The following LRRN1 variants were observed in gnomAD, a reference collection of about 807,000 sequenced individuals.
LRRN1 encodes the protein leucine rich repeat neuronal 1, also known as leucine-rich repeat neuronal protein 1.
Under a neutral mutation model 45.8 loss-of-function variants are expected in LRRN1, and 14 were observed. The observed-to-expected ratio is 0.31, with a 90% CI of 0.20 to 0.48. The LOEUF is 0.48. LRRN1 is among the 20% of genes least tolerant of loss of function. The pLI is 0.99. For missense variants in LRRN1, 789 were observed against 874.2 expected, an observed-to-expected ratio of 0.90 and a Z score of 1.23; for synonymous variants, 359 against 330.1, an observed-to-expected ratio of 1.09 and a Z score of -0.95.
chr3:3,810,293 C>G (rs567632906), intron 1 of LRRN1, among the ~76,000 whole-genome samples: 6 of 152,186 alleles, frequency 3.9e-5, no homozygotes, highest in African/African-American at 1.4e-4. Context: ...GACATTGTAG[C>G]AAACAAACCC....
At chr3:3,833,632 CAG>C (rs554078624) in intron 1 of LRRN1, among the ~76,000 whole-genome samples, 13 of 152,276 alleles carry the variant, frequency 8.5e-5, no homozygotes, top group South Asian at 4.1e-4. Context: ...TAGAAGCAAA[CAG>C]GGGTATTAGG....
rs1273778260 is a variant in LRRN1, at chr3:3,845,410, C to A, written c.769C>A (p.Leu257Ile). ...YDNKLVKVPQ[L>I]ALQKVPNLKF... is the part of the protein sequence containing the mutation. ...TAACAAACTGGTTAAAGTCCCTCAA[C>A]TTGCCCTGCAAAAAGTTCCAAATTT... The change falls in exon 2 of 2, where the codon CTT becomes ATT. Residue 257 changes from leucine to isoleucine, a missense_variant. Leu to Ile is a conservative substitution (Grantham distance 5). Transcript: ENST00000319331. The surrounding 1 kb of genome is among the most constrained non-coding windows in gnomAD (Gnocchi z 6.5). 6 of 1,614,140 alleles carry A rather than the reference C, an allele frequency of 3.7e-6. No homozygotes were observed. Among genetic ancestry groups the A allele is most frequent in the Non-Finnish European group, 5.1e-6 (6 of 1,180,014 alleles).
chr3:3,802,506 G>A (rs947484941), intron 1 of LRRN1, among the ~76,000 whole-genome samples: 1 of 152,200 alleles, frequency 6.6e-6, no homozygotes. Context: ...GGAGGGCTCA[G>A]TGTTTCGGGG....
intron 1 of LRRN1, among the ~76,000 whole-genome samples, chr3:3,841,290 C>CAAAAAAA (rs60477471): frequency 1.6e-5 from 2 of 123,214 alleles, no homozygotes; most frequent in African/African-American, 6.3e-5. Flanking sequence ...GACTTTGTCT[C>CAAAAAAA]AAAAAAAAAA....
At position 3,844,565 on chromosome 3, in the gene LRRN1, C is replaced by G; in HGVS notation, c.-77C>G. 9.1e-7 allele frequency: 1 copy of G among 1,095,736 alleles called. No homozygotes were observed. The highest frequency in any genetic ancestry group is 1.3e-6 in the Non-Finnish European group (1 of 754,934). The allele number at this position is 1,095,736 out of a possible 1,614,324, so 67.9% of individuals were successfully genotyped here. ...ATGTTTACATTTTCTGCTCGCTGTCCTACATATCACAATATAGTGTTCACG... is the reference window on the plus strand; with the variant it reads ...ATGTTTACATTTTCTGCTCGCTGTCGTACATATCACAATATAGTGTTCACG... On this transcript the variant is annotated 5_prime_UTR_variant, in exon 2 of 2. Transcript: ENST00000319331.
intron 1 of LRRN1, among the ~76,000 whole-genome samples, chr3:3,818,762 C>T (rs1693038572): frequency 6.6e-6 from 1 of 152,074 alleles, no homozygotes; most frequent in South Asian, 2.1e-4. Context: ...TTATAAAGAT[C>T]ATAGAGCTTA....
intron 1 of LRRN1, among the ~76,000 whole-genome samples, chr3:3,807,532 C>T (rs541807900): frequency 2.0e-5 from 3 of 152,262 alleles, no homozygotes; most frequent in African/African-American, 7.2e-5. Flanking sequence ...AAGACTTGCA[C>T]GTCAGAACGA....
In LRRN1 at chr3:3,846,271, A is replaced by C. The variant is rs187957779; in HGVS notation, c.1630A>C (p.Lys544Gln). The C allele has an allele frequency of 7.4e-6, 12 of 1,614,094 alleles. No individual in the cohort carries two copies. In the African/African-American group the frequency reaches 1.1e-4, roughly 14 times the overall value. The change falls in exon 2 of 2, where the codon AAA (lysine) becomes CAA (glutamine). Residue 544 changes from lysine to glutamine, a missense_variant. Transcript: ENST00000319331. The surrounding 1 kb of genome is among the most constrained non-coding windows in gnomAD (Gnocchi z 5.7). ...ATCCCATTCCATCTTAGTGTCCTGG[A>C]AAGTTAATTCCAATGTCATGACGTC... is the stretch of plus-strand genomic sequence containing the variant. ...TESHSILVSW[K>Q]VNSNVMTSNL...
At position 3,844,835 on chromosome 3, in the gene LRRN1, G is replaced by A. The variant is rs1174498644; in HGVS notation, c.194G>A (p.Arg65Lys). Residue 65 changes from arginine (R) to lysine (K), a missense_variant, in exon 2 of 2, where the codon AGG becomes AAG. Coordinates refer to ENST00000319331, the MANE Select transcript of LRRN1 (RefSeq NM_020873.7). Reference protein sequence around the residue: ...TVDCNDLRLTRIPSNLSSDTQ... With the variant: ...TVDCNDLRLTKIPSNLSSDTQ... ...GATTGCAATGACCTCCGCTTAACAA[G>A]GATTCCCAGTAACCTCTCTAGTGAC... 8 of 1,614,176 alleles carry A rather than the reference G, an allele frequency of 5.0e-6. No individual in the cohort carries two copies. In the East Asian group the frequency reaches 1.8e-4, roughly 36 times the overall value.
In LRRN1 at chr3:3,846,504, G is replaced by A. The variant is rs201559996; in HGVS notation, c.1863G>A (p.Val621=). 19 of 1,614,114 alleles carry A rather than the reference G, an allele frequency of 1.2e-5. No individual in the cohort carries two copies. In the East Asian group the frequency reaches 3.3e-4, roughly 28 times the overall value. Residue 621 remains valine (V), a synonymous_variant, in exon 2 of 2, where the codon GTG becomes GTA. Transcript: ENST00000319331. This position sits in a 1 kb window ranked among gnomAD's most constrained non-coding sequence, Gnocchi z 5.7. ...NVTTKNAAFA[V]DISDQETSTA... is the part of the protein sequence containing the mutation. ...CAACCAAAAATGCCGCCTTCGCAGT[G>A]GACATCTCTGATCAAGAAACCAGTA...
rs1692988943 is a variant in LRRN1 at position 3,816,497 on chromosome 3, A to C, written c.-279+16578A>C. On this transcript the variant is annotated intron_variant, in intron 1 of 1. Coordinates refer to ENST00000319331, the MANE Select transcript of LRRN1 (RefSeq NM_020873.7). The surrounding 1 kb of genome is among the most constrained non-coding windows in gnomAD (Gnocchi z 4.0). The stretch of plus-strand genomic sequence containing the variant: ...TCAGTCCACTTTTAGAAGAAAAGGG[A>C]AGATTGGAAGAAAATAATTTAACCA... Among the ~76,000 whole-genome samples the C allele has an allele frequency of 6.6e-6, 1 of 152,182 alleles. No individual in the cohort carries two copies. The highest frequency in any genetic ancestry group is 2.1e-4 in the South Asian group (1 of 4,830).
intron 1 of LRRN1, among the ~76,000 whole-genome samples, chr3:3,808,718 C>T (rs966315930): frequency 2.0e-5 from 3 of 152,156 alleles, no homozygotes; most frequent in African/African-American, 2.4e-5. Flanking sequence ...GACTGGACTA[C>T]GTTAGCTCTC....
At chr3:3,811,024 A>G (rs535829144) in intron 1 of LRRN1, among the ~76,000 whole-genome samples, 98 of 152,296 alleles carry the variant, frequency 6.4e-4, no homozygotes, top group Non-Finnish European at 7.6e-4. Context: ...GTAGATATCC[A>G]TACTCTTAGC....
chr3:3,810,410 AT>A (rs764831546), intron 1 of LRRN1, among the ~76,000 whole-genome samples: 4 of 152,364 alleles, frequency 2.6e-5, no homozygotes. Flanking sequence ...TGCAGCTACC[AT>A]TGTTACTGTT....
chr3:3,844,633 C>T lies in LRRN1; in HGVS notation c.-9C>T. On this transcript the variant is annotated 5_prime_UTR_variant, in exon 2 of 2. Transcript: ENST00000319331. Reference sequence around the variant, plus strand: ...GGTGTCAGGAGTTGAGCTTGCTCAGCAAGCCAGCATGGCTAGGATGAGCTT... The same window carrying T: ...GGTGTCAGGAGTTGAGCTTGCTCAGTAAGCCAGCATGGCTAGGATGAGCTT... 1 of 1,600,394 alleles carries T rather than the reference C, an allele frequency of 6.2e-7. No individual in the cohort carries two copies.
In LRRN1 at chr3:3,844,914, G is replaced by T; in HGVS notation, c.273G>T (p.Leu91=). The change falls in exon 2 of 2, where the codon CTG becomes CTT. Residue 91 remains leucine (L), a synonymous_variant. Coordinates refer to ENST00000319331, the MANE Select transcript of LRRN1 (RefSeq NM_020873.7). ...SNNIAKTVDE[L]QQLFNLTELD... ...ACATCGCAAAGACTGTGGATGAGCT[G>T]CAGCAGCTTTTCAACTTGACTGAAC... 6.2e-7 allele frequency: 1 copy of T among 1,614,116 alleles called. No homozygotes were observed.
chr3:3,845,414 C>G lies in LRRN1; in HGVS notation c.773C>G (p.Ala258Gly). Residue 258 changes from alanine (A) to glycine (G), a missense_variant, in exon 2 of 2, where the codon GCC becomes GGC. Physicochemically the swap from Ala to Gly is moderately conservative, Grantham distance 60. Coordinates refer to ENST00000319331, the MANE Select transcript of LRRN1 (RefSeq NM_020873.7). The surrounding 1 kb of genome is among the most constrained non-coding windows in gnomAD (Gnocchi z 6.5). ...AAACTGGTTAAAGTCCCTCAACTTG[C>G]CCTGCAAAAAGTTCCAAATTTGAAA... Reference protein sequence around the residue: ...DNKLVKVPQLALQKVPNLKFL... With the variant: ...DNKLVKVPQLGLQKVPNLKFL... 12 of 1,614,088 alleles carry G rather than the reference C, an allele frequency of 7.4e-6. No individual in the cohort carries two copies. The highest frequency in any genetic ancestry group is 1.0e-5 in the Non-Finnish European group (12 of 1,180,016).
chr3:3,820,777 C>T (rs1053997600), intron 1 of LRRN1, among the ~76,000 whole-genome samples: 14 of 152,286 alleles, frequency 9.2e-5, no homozygotes, highest in Non-Finnish European at 1.8e-4. Context: ...GCAGGCTAGT[C>T]ACTGTGTTAA....
At chr3:3,840,882 TG>T (rs776751359) in intron 1 of LRRN1, among the ~76,000 whole-genome samples, 3 of 152,214 alleles carry the variant, frequency 2.0e-5, no homozygotes, top group Non-Finnish European at 4.4e-5. Flanking sequence ...GCTATAATAA[TG>T]TTGAACCTAT....
Sources: allele counts gnomAD v4.1 joint callset (sites outside exome capture counted in the v4.1 genomes callset), GRCh38; gene constraint gnomAD v4.1.1; non-coding constraint Gnocchi (gnomAD v3.1); transcripts MANE v1.5; gene names NCBI Gene and HGNC (gene_info 2026-07-23, HGNC 2026-07-21).